The following DEPDC1 variants were observed in gnomAD, a reference collection of about 807,000 sequenced individuals.
DEPDC1 encodes DEP domain containing 1.
A neutral mutation model predicts 86.8 loss-of-function variants in DEPDC1; 66 were observed. The observed-to-expected ratio is 0.76, with a 90% CI of 0.62 to 0.93. The LOEUF is 0.93. DEPDC1 is among the 40% of genes least tolerant of loss of function. The probability of loss-of-function intolerance (pLI) is 0.00; values close to 1 mark genes in which losing one functional copy is unlikely to be tolerated. For synonymous variants in DEPDC1, 255 were observed against 314.9 expected, an observed-to-expected ratio of 0.81 and a Z score of 2.02; for missense variants, 792 against 935.7, an observed-to-expected ratio of 0.85 and a Z score of 2.00.
Position 68,476,039 on chromosome 1 carries a change from T to C in DEPDC1, c.*893A>G, listed in dbSNP as rs538762762. On this transcript the variant is annotated 3_prime_UTR_variant, in exon 12 of 12. Coordinates refer to ENST00000456315, the MANE Select transcript of DEPDC1 (RefSeq NM_001114120.3). ...AGCTTAGAGACCTGTTCCATCATCA[T>C]AGAAGTCACTCTTTAGCTGAATGAT... The C allele has an allele frequency of 3.3e-5, 5 of 151,994 alleles. No homozygotes were observed. Among genetic ancestry groups the C allele is most frequent in the African/African-American group, 4.8e-5 (2 of 41,562 alleles). 9.4% of individuals were successfully genotyped at this position (151,994 alleles called of 1,614,324 possible).
In DEPDC1 at chr1:68,476,740, T is replaced by C. The variant is rs1018491060; in HGVS notation, c.*192A>G. 16 of 493,980 alleles carry C rather than the reference T, an allele frequency of 3.2e-5. No homozygotes were observed. The Admixed American group carries it at 4.6e-4, about 14-fold the overall frequency. The allele number at this position is 493,980 out of a possible 1,614,324, so 30.6% of individuals were successfully genotyped here. Reference sequence around the variant, plus strand: ...AAGTATTTGGTATCATCTATTGTTATGTGCTCTCAATTGAGATCTAGTTAG... The same window carrying C: ...AAGTATTTGGTATCATCTATTGTTACGTGCTCTCAATTGAGATCTAGTTAG... On this transcript the variant is annotated 3_prime_UTR_variant, in exon 12 of 12. Coordinates refer to ENST00000456315, the MANE Select transcript of DEPDC1 (RefSeq NM_001114120.3).
At position 68,488,365 on chromosome 1, in the gene DEPDC1, A is replaced by G; in HGVS notation, c.721+9T>C. On this transcript the variant is annotated intron_variant, in intron 5 of 11. Coordinates refer to ENST00000456315, the MANE Select transcript of DEPDC1 (RefSeq NM_001114120.3). ...TTTTTAAAAGTCCAATTATTTTATT[A>G]ATACCAACCTGATTTGTTTTGTAGT... The G allele has an allele frequency of 6.4e-7, 1 of 1,565,710 alleles. No homozygotes were observed. Among genetic ancestry groups the G allele is most frequent in the Non-Finnish European group, 8.6e-7 (1 of 1,164,166 alleles).
intron 6 of DEPDC1, among the ~76,000 whole-genome samples, chr1:68,486,145 A>C (rs1035739113): frequency 6.6e-6 from 1 of 152,064 alleles, no homozygotes; most frequent in Non-Finnish European, 1.5e-5. Context: ...TCCTCACCCA[A>C]ATCTCATGCC....
At position 68,482,081 on chromosome 1, in the gene DEPDC1, A is replaced by C; in HGVS notation, c.1727T>G (p.Leu576Ter). The C allele has an allele frequency of 6.2e-7, 1 of 1,603,276 alleles. No individual in the cohort carries two copies. The highest frequency in any genetic ancestry group is 8.5e-7 in the Non-Finnish European group (1 of 1,176,340). The change falls in exon 8 of 12, where the codon TTA becomes TGA. Residue 576 changes from leucine to a stop codon, truncating the protein, a stop_gained. Coordinates refer to ENST00000456315, the MANE Select transcript of DEPDC1 (RefSeq NM_001114120.3). LOFTEE classifies it high-confidence loss of function. ...AGTCAACATAGAAGAAGCTGGAAGT[A>C]AAGAATTTTCTGAAAGTTCTATTGT... ...KSTIELSENS[L>*]LPASSMLTGT...
chr1:68,494,408 C>T (rs1646249849), intron 2 of DEPDC1, 22 bp downstream of exon 2: 1 of 1,591,802 alleles, frequency 6.3e-7, no homozygotes, highest in African/African-American at 1.4e-5. Flanking sequence ...TTCAGTTTTA[C>T]AGTTACATAT....
chr1:68,478,445 TA>T (rs1646131775), intron 10 of DEPDC1, among the ~76,000 whole-genome samples: 1 of 93,666 alleles, frequency 1.1e-5, no homozygotes, highest in Admixed American at 9.2e-5. Flanking sequence ...AGTTTTCATG[TA>T]TTTTTTTTTT....
In DEPDC1 at chr1:68,496,717, ACGCGCGGCGCTTCCTTTCG is replaced by A. The variant is rs1646268193; in HGVS notation, c.48+216_48+234del. On this transcript the variant is annotated intron_variant, in intron 1 of 11. Transcript: ENST00000456315. This position sits in a 1 kb window ranked among gnomAD's most constrained non-coding sequence, Gnocchi z 4.0. ...CCTCATAGCGAGTCTGGTGCGGCCTACGCGCGGCGCTTCCTTTCGGACCTGAGGCCCAGACCCTCAAAAT... is the reference window on the plus strand; with the variant it reads ...CCTCATAGCGAGTCTGGTGCGGCCTAGACCTGAGGCCCAGACCCTCAAAAT... 6.7e-6 allele frequency: 3 copies of A among 444,930 alleles called. No individual in the cohort carries two copies. Among genetic ancestry groups the A allele is most frequent in the African/African-American group, 6.2e-5 (3 of 48,772 alleles). 27.6% of individuals were successfully genotyped at this position (444,930 alleles called of 1,614,324 possible). A position where few individuals can be genotyped will look rare whatever the true frequency, so the allele number is the denominator to read the frequency against.
intron 1 of DEPDC1, among the ~76,000 whole-genome samples, chr1:68,495,990 A>C (rs886869668): frequency 6.6e-6 from 1 of 152,148 alleles, no homozygotes; most frequent in Non-Finnish European, 1.5e-5. Context: ...TCATATTGGT[A>C]AATATAGCCA....
Position 68,497,026 on chromosome 1 carries a change from A to G in DEPDC1, c.-27T>C. On this transcript the variant is annotated 5_prime_UTR_variant, in exon 1 of 12. It removes an upstream start codon present in the reference 5' UTR. Transcript: ENST00000456315. Reference sequence around the variant, plus strand: ...GGTCTGTCAGCGCCCGGTGGCGTCCATGGCGGCGAAGGCGACACTCAGGCC... The same window carrying G: ...GGTCTGTCAGCGCCCGGTGGCGTCCGTGGCGGCGAAGGCGACACTCAGGCC... The G allele has an allele frequency of 6.2e-7, 1 of 1,610,774 alleles. No homozygotes were observed. The highest frequency in any genetic ancestry group is 8.5e-7 in the Non-Finnish European group (1 of 1,178,066).
intron 2 of DEPDC1, 136 bp downstream of exon 2, chr1:68,494,294 T>C (rs1330151589): frequency 1.2e-6 from 1 of 811,810 alleles, no homozygotes; most frequent in Non-Finnish European, 1.8e-6. Flanking sequence ...ATGATTTTAG[T>C]TGAACTAACA....
Position 68,482,231 on chromosome 1 carries a change from T to C in DEPDC1, c.1577A>G (p.Asn526Ser), listed in dbSNP as rs745445423. ...RSSTRRNSYI[N>S]TPVAEIIMKP... ...CATGATAATTTCAGCCACTGGTGTA[T>C]TGATATAACTATTCCTTCTTGTACT... Residue 526 changes from asparagine to serine, a missense_variant, in exon 8 of 12, where the codon AAT (asparagine) becomes AGT (serine). Coordinates refer to ENST00000456315, the MANE Select transcript of DEPDC1 (RefSeq NM_001114120.3). 3.2e-5 allele frequency: 51 copies of C among 1,612,778 alleles called. No individual in the cohort carries two copies. The highest frequency in any genetic ancestry group is 4.1e-5 in the Non-Finnish European group (48 of 1,179,254).
At chr1:68,490,564 C>T (rs544462399) in intron 2 of DEPDC1, among the ~76,000 whole-genome samples, 297 of 152,240 alleles carry the variant, frequency 2.0e-3, no homozygotes, top group African/African-American at 6.3e-3. Flanking sequence ...AATGAACATA[C>T]GTGTACATGT....
rs749571662 is a variant in DEPDC1, at chr1:68,479,095, C to T, written c.2112+49G>A. ...ATTAAGCTATTTTGAGATGAGTTTG[C>T]CACTTGCAACTGACTATTGCAGAGA... On this transcript the variant is annotated intron_variant, in intron 10 of 11. Coordinates refer to ENST00000456315, the MANE Select transcript of DEPDC1 (RefSeq NM_001114120.3). The T allele has an allele frequency of 8.1e-6, 12 of 1,484,046 alleles. No individual in the cohort carries two copies. In the South Asian group the frequency reaches 1.6e-4, roughly 19 times the overall value. The allele number at this position is 1,484,046 out of a possible 1,614,324, so 91.9% of individuals were successfully genotyped here. A position where few individuals can be genotyped will look rare whatever the true frequency, so the allele number is the denominator to read the frequency against.
At chr1:68,489,933 A>G (rs1367215126) in intron 2 of DEPDC1, among the ~76,000 whole-genome samples, 1 of 151,902 alleles carries the variant, frequency 6.6e-6, no homozygotes, top group Admixed American at 6.6e-5. Flanking sequence ...TCTAGTTTGT[A>G]TATTCCCTCT....
intron 5 of DEPDC1, 29 bp downstream of exon 5, chr1:68,488,345 A>T (rs1237148615): frequency 6.4e-7 from 1 of 1,551,060 alleles, no homozygotes; most frequent in Non-Finnish European, 8.6e-7. Flanking sequence ...GCAAGTTTTT[A>T]AAAGTCCAAT....
At chr1:68,490,796 G>A (rs974458687) in intron 2 of DEPDC1, among the ~76,000 whole-genome samples, 19 of 152,032 alleles carry the variant, frequency 1.2e-4, no homozygotes, top group African/African-American at 4.3e-4. Context: ...CTACAGGCCT[G>A]TAGTAACCAA....
In DEPDC1 at chr1:68,496,844, A is replaced by G. The variant is rs1646269220; in HGVS notation, c.48+108T>C. 2 of 1,100,516 alleles carry G rather than the reference A, an allele frequency of 1.8e-6. No individual in the cohort carries two copies. Among genetic ancestry groups the G allele is most frequent in the African/African-American group, 3.2e-5 (2 of 63,260 alleles). The allele number at this position is 1,100,516 out of a possible 1,614,324, so 68.2% of individuals were successfully genotyped here. A position where few individuals can be genotyped will look rare whatever the true frequency, so the allele number is the denominator to read the frequency against. Reference sequence around the variant, plus strand: ...TTTCACTGAACCTAGGGATCCTGGGACTCATCCCTCCGACCGAGGTAAAAC... The same window carrying G: ...TTTCACTGAACCTAGGGATCCTGGGGCTCATCCCTCCGACCGAGGTAAAAC... On this transcript the variant is annotated intron_variant, in intron 1 of 11. Transcript: ENST00000456315. This position sits in a 1 kb window ranked among gnomAD's most constrained non-coding sequence, Gnocchi z 4.0.
intron 2 of DEPDC1, 60 bp from the exon 3 acceptor site, chr1:68,489,668 TA>T: frequency 7.5e-7 from 1 of 1,326,354 alleles, no homozygotes. Context: ...TTTTAGAGCC[TA>T]TTTTTTTTTT....
intron 6 of DEPDC1, among the ~76,000 whole-genome samples, chr1:68,485,600 A>G (rs1040804966): frequency 1.3e-5 from 2 of 152,146 alleles, no homozygotes; most frequent in African/African-American, 4.8e-5. Context: ...GGAAGACAGA[A>G]TCCCTGAAGA....
Sources: gnomAD v4.1 joint callset for allele counts (sites outside exome capture counted in the v4.1 genomes callset) on GRCh38, gnomAD v4.1.1 for gene constraint, Gnocchi (gnomAD v3.1) non-coding constraint, MANE v1.5 for transcripts, NCBI Gene and HGNC (gene_info 2026-07-23, HGNC 2026-07-21) for gene names.